Variants in LITAF observed in about 807,000 individuals in gnomAD.
LITAF encodes lipopolysaccharide-induced tumor necrosis factor-alpha factor.
Under a neutral mutation model 14.5 loss-of-function variants are expected in LITAF, and 9 were observed. That is an observed-to-expected ratio of 0.62 (90% CI 0.37 to 1.08). The LOEUF is 1.08. Ranked by LOEUF, LITAF falls within the 50% of genes least tolerant of loss-of-function variation. The pLI is 0.01. For missense variants in LITAF, 206 were observed against 213.4 expected, an observed-to-expected ratio of 0.97 and a Z score of 0.22; for synonymous variants, 98 against 88.2, an observed-to-expected ratio of 1.11 and a Z score of -0.62.
upstream of LITAF, among the ~76,000 whole-genome samples, chr16:11,601,120 A>C: frequency 2.7e-5 from 4 of 150,548 alleles, no homozygotes; most frequent in South Asian, 2.1e-4. Flanking sequence ...CCATCCCCCC[A>C]CCCTCACTCC....
chr16:11,554,565 C>A (rs992485597), intron 2 of LITAF, among the ~76,000 whole-genome samples: 1 of 151,934 alleles, frequency 6.6e-6, no homozygotes, highest in Admixed American at 6.6e-5. Flanking sequence ...GGCCGAGGTG[C>A]GTGGATCACC....
chr16:11,627,871 G>A (rs763130271), intron 3 of LITAF, among the ~76,000 whole-genome samples: 8 of 151,904 alleles, frequency 5.3e-5, no homozygotes, highest in Non-Finnish European at 1.0e-4. Context: ...ACAAAAATTA[G>A]CCGGGCGTGG....
At position 11,553,228 on chromosome 16, in the gene LITAF, G is replaced by A. The variant is rs1351109742; in HGVS notation, c.377+305C>T. Reference sequence around the variant, plus strand: ...GAGGTCAGGAGTTTGAGACCAGCCTGGCCAAGATGGTGAAATGCCAGCTCT... The same window carrying A: ...GAGGTCAGGAGTTTGAGACCAGCCTAGCCAAGATGGTGAAATGCCAGCTCT... On this transcript the variant is annotated intron_variant, in intron 3 of 3. Transcript: ENST00000622633. This position sits in a 1 kb window ranked among gnomAD's most constrained non-coding sequence, Gnocchi z 7.7. Among the ~76,000 whole-genome samples, 2 of 152,128 alleles carry A rather than the reference G, an allele frequency of 1.3e-5. No homozygotes were observed. Among genetic ancestry groups the A allele is most frequent in the African/African-American group, 4.8e-5 (2 of 41,428 alleles).
chr16:11,579,596 A>G (rs2141825851), intron 1 of LITAF, among the ~76,000 whole-genome samples: 1 of 152,274 alleles, frequency 6.6e-6, no homozygotes. Flanking sequence ...CAGTGGGAGA[A>G]CTGGGAACTC....
chr16:11,582,153 G>T (rs1488446055), intron 1 of LITAF, among the ~76,000 whole-genome samples: 1 of 152,068 alleles, frequency 6.6e-6, no homozygotes, highest in Admixed American at 6.6e-5. Flanking sequence ...ATTACTCTTT[G>T]ATCAATTACA....
upstream of LITAF, among the ~76,000 whole-genome samples, chr16:11,591,557 CAT>C (rs1256230749): frequency 1.4e-5 from 2 of 142,238 alleles, no homozygotes; most frequent in Non-Finnish European, 3.0e-5. Context: ...TAAGAATAGA[CAT>C]ATAAATCAAT....
chr16:11,567,236 A>G (rs745736178), intron 1 of LITAF, among the ~76,000 whole-genome samples: 11 of 152,142 alleles, frequency 7.2e-5, no homozygotes, highest in Non-Finnish European at 1.3e-4. Context: ...CCTGGCCAAC[A>G]TGGCAAAACC....
At chr16:11,638,880 C>T (rs2065153675), upstream of LITAF, among the ~76,000 whole-genome samples, 2 of 151,742 alleles carry the variant, frequency 1.3e-5, no homozygotes, top group Admixed American at 6.6e-5. Flanking sequence ...ACCTTTTTAA[C>T]CTGTGTATTT....
chr16:11,609,798 C>T (rs1221267027), intron 3 of LITAF, among the ~76,000 whole-genome samples: 1 of 152,110 alleles, frequency 6.6e-6, no homozygotes, highest in African/African-American at 2.4e-5. Context: ...CAGAAGCCTC[C>T]AGAATGTCTG....
chr16:11,633,809 A>C (rs930395493), intron 2 of LITAF, among the ~76,000 whole-genome samples: 8 of 152,184 alleles, frequency 5.3e-5, no homozygotes, highest in Middle Eastern at 3.4e-3. Flanking sequence ...CACTTTACGG[A>C]CTTGCCCTGA....
chr16:11,621,172 C>A (rs2065048731), intron 3 of LITAF, among the ~76,000 whole-genome samples: 1 of 152,128 alleles, frequency 6.6e-6, no homozygotes. Context: ...TCAAGTGATT[C>A]TCCTGCCTTA....
rs150511496 is a variant in LITAF, at chr16:11,629,809, G to A, written c.85+3724C>T. Among the ~76,000 whole-genome samples the A allele has an allele frequency of 1.9e-3, 293 of 152,290 alleles. 1 individual carries two copies. The highest frequency in any genetic ancestry group is 0.011 in the East Asian group (57 of 5,190). ...GTCTCCAGCGTGGAGCTCCAGGGGC[G>A]CGCAGCTCATGGAGTGCGGTACGGA... On this transcript the variant is annotated intron_variant, in intron 3 of 3. Coordinates refer to the LITAF transcript ENST00000574848.
upstream of LITAF, among the ~76,000 whole-genome samples, chr16:11,638,659 C>T (rs747003469): frequency 3.6e-5 from 5 of 137,924 alleles, no homozygotes; most frequent in Non-Finnish European, 6.1e-5. Flanking sequence ...TGAGATCACG[C>T]CTCTGCACTC....
rs112167431 is a variant in LITAF at position 11,619,679 on chromosome 16, G to A, written c.85+13854C>T. Among the ~76,000 whole-genome samples, 106 of 151,616 alleles carry A rather than the reference G, an allele frequency of 7.0e-4. 1 individual carries two copies. Among genetic ancestry groups the A allele is most frequent in the African/African-American group, 2.4e-3 (98 of 41,376 alleles). The stretch of plus-strand genomic sequence containing the variant: ...CTTCCTGGGCTCAAACCACCATCCT[G>A]CCTCAGCTTCCTGAGCAGCTGGAAC... On this transcript the variant is annotated intron_variant, in intron 3 of 3. Coordinates refer to the LITAF transcript ENST00000574848.
chr16:11,607,518 G>T (rs192495415), intron 3 of LITAF, among the ~76,000 whole-genome samples: 131 of 151,508 alleles, frequency 8.6e-4, no homozygotes, highest in Non-Finnish European at 1.4e-3. Flanking sequence ...TCTGAAAGTA[G>T]TGTGCTTTAA....
At chr16:11,568,319 A>G (rs1159046785) in intron 1 of LITAF, among the ~76,000 whole-genome samples, 9 of 151,420 alleles carry the variant, frequency 5.9e-5, no homozygotes, top group Non-Finnish European at 1.2e-4. Flanking sequence ...GAGAGAGGGT[A>G]GTTCTTACCA....
intron 3 of LITAF, among the ~76,000 whole-genome samples, chr16:11,626,474 G>A (rs1385396007): frequency 6.6e-6 from 1 of 151,818 alleles, no homozygotes; most frequent in Non-Finnish European, 1.5e-5. Flanking sequence ...CTCCTGACTA[G>A]CTGGGACTAC....
At chr16:11,568,683 G>GTTT (rs757940935) in intron 1 of LITAF, among the ~76,000 whole-genome samples, 14,961 of 133,710 alleles carry the variant, frequency 0.11, 1,075 homozygotes, top group Middle Eastern at 0.16. Flanking sequence ...GTTTTTTTTT[G>GTTT]TTTTTTTTTT....
At position 11,553,642 on chromosome 16, in the gene LITAF, G is replaced by T; in HGVS notation, c.268C>A (p.Arg90Ser). 6.2e-7 allele frequency: 1 copy of T among 1,614,060 alleles called. No individual in the cohort carries two copies. Among genetic ancestry groups the T allele is most frequent in the Non-Finnish European group, 8.5e-7 (1 of 1,180,002 alleles). The change falls in exon 3 of 4, where the codon CGC becomes AGC. Residue 90 changes from arginine (R) to serine (S), a missense_variant. Coordinates refer to ENST00000622633, the MANE Select transcript of LITAF (RefSeq NM_001136472.2). The surrounding 1 kb of genome is among the most constrained non-coding windows in gnomAD (Gnocchi z 7.7). The part of the protein sequence containing the change: ...YVQHPITFLD[R>S]PIQMCCPSCN... ...GAAGGACAACACATTTGGATAGGGCGGTCCAAAAAGGTGATGGGGTGCTGC... is the reference window on the plus strand; with the variant it reads ...GAAGGACAACACATTTGGATAGGGCTGTCCAAAAAGGTGATGGGGTGCTGC...
Sources: gnomAD v4.1 joint callset for allele counts (sites outside exome capture counted in the v4.1 genomes callset) on GRCh38, gnomAD v4.1.1 for gene constraint, Gnocchi (gnomAD v3.1) non-coding constraint, MANE v1.5 for transcripts, NCBI Gene and HGNC (gene_info 2026-07-23, HGNC 2026-07-21) for gene names.